GAREM1: variants seen among roughly 807,000 people sequenced by gnomAD.
GAREM1 encodes GRB2 associated regulator of MAPK1 subtype 1, also known as GRB2-associated and regulator of MAPK protein 1.
Under a neutral mutation model 71.3 loss-of-function variants are expected in GAREM1, and 26 were observed. The observed-to-expected ratio is 0.36, with a 90% confidence interval of 0.27 to 0.51. The LOEUF (loss-of-function observed/expected upper bound fraction) is 0.51, where lower values mean the gene tolerates loss of function less well. GAREM1 is among the 20% of genes least tolerant of loss of function. The pLI is 0.95. For missense variants in GAREM1, 1,026 were observed against 1,103.1 expected (o/e 0.93, Z 0.99); for synonymous variants, 440 against 433.2 (o/e 1.02, Z -0.20).
intron 4 of GAREM1, among the ~76,000 whole-genome samples, chr18:32,285,266 G>T (rs964420936): frequency 2.6e-5 from 4 of 152,172 alleles, no homozygotes; most frequent in African/African-American, 9.6e-5. Flanking sequence ...GAGCTCTCAA[G>T]CCCTGCAACA....
intron 2 of GAREM1, among the ~76,000 whole-genome samples, chr18:32,339,587 G>A (rs116354831): frequency 1.6e-3 from 250 of 152,288 alleles, no homozygotes; most frequent in African/African-American, 5.9e-3. Context: ...TCCACTTTGT[G>A]CAGACCTGTG....
intron 2 of GAREM1, among the ~76,000 whole-genome samples, chr18:32,372,184 T>C (rs1032258975): frequency 2.0e-5 from 3 of 152,234 alleles, no homozygotes; most frequent in Admixed American, 6.5e-5. Flanking sequence ...TGTGTGTATG[T>C]GTACACACAC....
chr18:32,420,040 C>G (rs1013302232), intron 1 of GAREM1, among the ~76,000 whole-genome samples: 3 of 152,160 alleles, frequency 2.0e-5, no homozygotes, highest in Non-Finnish European at 2.9e-5. Context: ...TCCACAGGCT[C>G]TGGAGATAAA....
In GAREM1 at chr18:32,329,379, GA is replaced by G. The variant is rs536065206; in HGVS notation, c.263-19057del. 7.9e-3 allele frequency among the ~76,000 whole-genome samples: 1,105 copies of G among 139,958 alleles called. 23 individuals are homozygous for G. The East Asian group carries it at 0.095, about 12-fold the overall frequency. 91.8% of individuals were successfully genotyped at this position (139,958 alleles called of 152,430 possible). A position where few individuals can be genotyped will look rare whatever the true frequency, so the allele number is the denominator to read the frequency against. The stretch of plus-strand genomic sequence containing the variant: ...CAACGGAGCAAGAACCTGTCTTGGA[GA>G]AAAAAAAAAAAGGTATTGCTTCACA... On this transcript the variant is annotated intron_variant, in intron 2 of 5. Transcript: ENST00000269209.
At chr18:32,292,103 T>C (rs960103128) in intron 3 of GAREM1, among the ~76,000 whole-genome samples, 9 of 152,166 alleles carry the variant, frequency 5.9e-5, no homozygotes, top group African/African-American at 2.2e-4. Context: ...TTTACACTCC[T>C]ACCAACAGTG....
chr18:32,283,758 C>T (rs986207647), intron 4 of GAREM1, among the ~76,000 whole-genome samples: 3 of 152,062 alleles, frequency 2.0e-5, no homozygotes, highest in African/African-American at 4.8e-5. Flanking sequence ...GGTTGGCTCA[C>T]GATGTAGTTT....
chr18:32,321,225 G>T (rs1040178661), intron 2 of GAREM1, among the ~76,000 whole-genome samples: 1 of 152,010 alleles, frequency 6.6e-6, no homozygotes, highest in Non-Finnish European at 1.5e-5. Flanking sequence ...CCTCTGCCTC[G>T]GCTTTTATTT....
intron 2 of GAREM1, among the ~76,000 whole-genome samples, chr18:32,359,713 A>G (rs917410667): frequency 3.0e-4 from 46 of 152,256 alleles, no homozygotes; most frequent in African/African-American, 1.1e-3. Context: ...GGCGAGAGGA[A>G]CAACTGAGAC....
intron 1 of GAREM1, among the ~76,000 whole-genome samples, chr18:32,428,397 G>C (rs1166845576): frequency 6.6e-6 from 1 of 152,116 alleles, no homozygotes; most frequent in African/African-American, 2.4e-5. Flanking sequence ...GGAGGTGACT[G>C]GATGATGGGG....
intron 1 of GAREM1, among the ~76,000 whole-genome samples, chr18:32,445,893 G>A (rs2144282862): frequency 6.6e-6 from 1 of 152,194 alleles, no homozygotes; most frequent in South Asian, 2.1e-4. Context: ...ATAGCAGCAT[G>A]GTAGAAATTA....
At chr18:32,282,149 T>G (rs2046960073) in intron 4 of GAREM1, among the ~76,000 whole-genome samples, 1 of 151,992 alleles carries the variant, frequency 6.6e-6, no homozygotes, top group Non-Finnish European at 1.5e-5. Context: ...TGCACCCAGG[T>G]GAAATAAACA....
intron 2 of GAREM1, among the ~76,000 whole-genome samples, chr18:32,346,617 T>C (rs2047699664): frequency 6.6e-6 from 1 of 152,188 alleles, no homozygotes; most frequent in South Asian, 2.1e-4. Flanking sequence ...GAACAAATGG[T>C]TTACTGTTCT....
intron 1 of GAREM1, among the ~76,000 whole-genome samples, chr18:32,417,262 T>G (rs1001421778): frequency 6.6e-6 from 1 of 152,210 alleles, no homozygotes; most frequent in African/African-American, 2.4e-5. Flanking sequence ...CCTCATACAC[T>G]GTTGGTAGTA....
In GAREM1 at chr18:32,367,956, T is replaced by C. The variant is rs540656261; in HGVS notation, c.262+24939A>G. 8.5e-5 allele frequency among the ~76,000 whole-genome samples: 13 copies of C among 152,328 alleles called. No individual in the cohort carries two copies. In the East Asian group the frequency reaches 1.9e-3, roughly 23 times the overall value. On this transcript the variant is annotated intron_variant, in intron 2 of 5. Transcript: ENST00000269209. Reference sequence around the variant, plus strand: ...ATGAAATGTTTGAGACGTTCACTCCTAAACTAAGATCCTCAGGCAAATACA... The same window carrying C: ...ATGAAATGTTTGAGACGTTCACTCCCAAACTAAGATCCTCAGGCAAATACA...
At chr18:32,318,104 G>A (rs2047397436) in intron 2 of GAREM1, among the ~76,000 whole-genome samples, 2 of 152,180 alleles carry the variant, frequency 1.3e-5, no homozygotes, top group Admixed American at 6.5e-5. Context: ...TGTAAGAGCT[G>A]TTCCATCTGC....
chr18:32,425,135 A>G (rs1262355027), intron 1 of GAREM1, among the ~76,000 whole-genome samples: 1 of 152,216 alleles, frequency 6.6e-6, no homozygotes, highest in East Asian at 1.9e-4. Flanking sequence ...TCACTTAACT[A>G]TTCCACTATA....
At chr18:32,312,688 G>A (rs2047336250) in intron 2 of GAREM1, among the ~76,000 whole-genome samples, 1 of 152,154 alleles carries the variant, frequency 6.6e-6, no homozygotes, top group Non-Finnish European at 1.5e-5. Flanking sequence ...TAGTATGATG[G>A]GAGAAGAAAC....
intron 1 of GAREM1, among the ~76,000 whole-genome samples, chr18:32,393,319 T>C (rs1039469845): frequency 6.6e-6 from 1 of 152,174 alleles, no homozygotes. Context: ...GTTTTAATGA[T>C]AATAAAACAT....
chr18:32,284,874 C>T lies in GAREM1; in HGVS notation c.1566+2157G>A, dbSNP rs375581022. Reference sequence around the variant, plus strand: ...ATGCCATTCTCCTGCGTCAGCCTCCCGAGTAGCTGGGACTACAGGCGCCCG... The same window carrying T: ...ATGCCATTCTCCTGCGTCAGCCTCCTGAGTAGCTGGGACTACAGGCGCCCG... On this transcript the variant is annotated intron_variant, in intron 4 of 5. Coordinates refer to ENST00000269209, the MANE Select transcript of GAREM1 (RefSeq NM_001242409.2). 2.4e-4 allele frequency among the ~76,000 whole-genome samples: 36 copies of T among 151,936 alleles called. 1 individual carries two copies. Among genetic ancestry groups the T allele is most frequent in the African/African-American group, 8.5e-4 (35 of 41,420 alleles).
Sources: gnomAD v4.1 joint callset for allele counts (sites outside exome capture counted in the v4.1 genomes callset) on GRCh38, gnomAD v4.1.1 for gene constraint, MANE v1.5 for transcripts, NCBI Gene and HGNC (gene_info 2026-07-23, HGNC 2026-07-21) for gene names.